ST8SIA1: variants seen among roughly 807,000 people sequenced by gnomAD.
ST8SIA1 encodes the protein ST8 alpha-N-acetyl-neuraminide alpha-2,8-sialyltransferase 1.
A neutral mutation model predicts 35.9 loss-of-function variants in ST8SIA1; 16 were observed. The ratio of observed to expected loss-of-function variants is 0.45; its 90% CI spans 0.30 to 0.68. The LOEUF (loss-of-function observed/expected upper bound fraction) is 0.68, where lower values mean the gene tolerates loss of function less well. ST8SIA1 is among the 30% of genes least tolerant of loss of function. The probability of loss-of-function intolerance (pLI) is 0.09; values close to 1 mark genes in which losing one functional copy is unlikely to be tolerated. For missense variants in ST8SIA1, 383 were observed against 453.6 expected, an observed-to-expected ratio of 0.84 and a Z score of 1.41; for synonymous variants, 170 against 169.6, an observed-to-expected ratio of 1.00 and a Z score of -0.02.
At chr12:22,301,793 T>C (rs1371475311) in intron 1 of ST8SIA1, among the ~76,000 whole-genome samples, 2 of 152,160 alleles carry the variant, frequency 1.3e-5, no homozygotes, top group African/African-American at 4.8e-5. Context: ...AGAATGTCAC[T>C]TTCTGGCAGG....
intron 1 of ST8SIA1, among the ~76,000 whole-genome samples, chr12:22,321,724 T>G (rs766228170): frequency 6.6e-6 from 1 of 152,204 alleles, no homozygotes; most frequent in South Asian, 2.1e-4. Flanking sequence ...AGATTTCACA[T>G]GCCATAGTTG....
chr12:22,212,054 G>A (rs1040744847), intron 4 of ST8SIA1, among the ~76,000 whole-genome samples: 14 of 152,052 alleles, frequency 9.2e-5, no homozygotes, highest in East Asian at 1.9e-4. Context: ...GGATTATGGC[G>A]TACTTTTATT....
chr12:22,300,109 T>C (rs1221488592), intron 1 of ST8SIA1, among the ~76,000 whole-genome samples: 2 of 152,152 alleles, frequency 1.3e-5, no homozygotes, highest in African/African-American at 2.4e-5. Flanking sequence ...ATTACATCTG[T>C]GTATCTTTAT....
chr12:22,282,042 A>C (rs1451715091), intron 2 of ST8SIA1, among the ~76,000 whole-genome samples: 1 of 152,176 alleles, frequency 6.6e-6, no homozygotes, highest in Non-Finnish European at 1.5e-5. Context: ...AATTTAAAAA[A>C]TGAAATTTCT....
chr12:22,261,533 T>G (rs1865791911), intron 2 of ST8SIA1, among the ~76,000 whole-genome samples: 2 of 152,176 alleles, frequency 1.3e-5, no homozygotes, highest in African/African-American at 4.8e-5. Context: ...ACACCTCATA[T>G]CTGGACTAAG....
chr12:22,260,222 T>C (rs2135799501), intron 2 of ST8SIA1, among the ~76,000 whole-genome samples: 1 of 151,770 alleles, frequency 6.6e-6, no homozygotes, highest in African/African-American at 2.4e-5. Context: ...AGTACAATGG[T>C]GCCATCACGG....
chr12:22,268,461 G>C (rs1465795337), intron 2 of ST8SIA1: 3 of 152,232 alleles, frequency 2.0e-5, no homozygotes, highest in Non-Finnish European at 2.9e-5. Flanking sequence ...TACTAATAAA[G>C]ACATACCTGA....
chr12:22,307,379 C>A (rs575675037), intron 1 of ST8SIA1, among the ~76,000 whole-genome samples: 1 of 152,244 alleles, frequency 6.6e-6, no homozygotes, highest in African/African-American at 2.4e-5. Context: ...ATGGTTTAAG[C>A]CTAGTTGCTA....
At chr12:22,225,682 TA>T (rs1287822756) in intron 4 of ST8SIA1, among the ~76,000 whole-genome samples, 1 of 152,222 alleles carries the variant, frequency 6.6e-6, no homozygotes, top group Non-Finnish European at 1.5e-5. Context: ...CTATAACTGT[TA>T]CCAATCAAAT....
chr12:22,235,204 A>G (rs1865463602), intron 4 of ST8SIA1, among the ~76,000 whole-genome samples: 1 of 152,248 alleles, frequency 6.6e-6, no homozygotes, highest in African/African-American at 2.4e-5. Context: ...AATTAAAGCA[A>G]CTTAGTAACA....
chr12:22,282,492 T>C (rs1866049436), intron 2 of ST8SIA1, among the ~76,000 whole-genome samples: 2 of 152,208 alleles, frequency 1.3e-5, no homozygotes. Flanking sequence ...CAGGAATCTG[T>C]CCAGCTTTCC....
chr12:22,204,819 A>T (rs982622241), intron 4 of ST8SIA1, among the ~76,000 whole-genome samples: 1 of 152,198 alleles, frequency 6.6e-6, no homozygotes, highest in African/African-American at 2.4e-5. Flanking sequence ...AATAATTGTT[A>T]TGGTATACTG....
intron 4 of ST8SIA1, among the ~76,000 whole-genome samples, chr12:22,225,002 T>C (rs1480101601): frequency 6.6e-6 from 1 of 152,154 alleles, no homozygotes; most frequent in African/African-American, 2.4e-5. Context: ...ATAGGAAGAA[T>C]GCTGTGTGAG....
intron 1 of ST8SIA1, among the ~76,000 whole-genome samples, chr12:22,309,235 T>C (rs577521790): frequency 5.3e-5 from 8 of 152,128 alleles, no homozygotes; most frequent in African/African-American, 1.9e-4. Flanking sequence ...CCTCGCTAAC[T>C]ACCATTAGCT....
rs1864973864 is a variant in ST8SIA1 at position 22,195,371 on chromosome 12, A to G, written c.*6181T>C. 1 of 151,868 alleles carries G rather than the reference A, an allele frequency of 6.6e-6. No homozygotes were observed. The highest frequency in any genetic ancestry group is 6.6e-5 in the Admixed American group (1 of 15,248). 9.4% of individuals were successfully genotyped at this position (151,868 alleles called of 1,614,324 possible). A position where few individuals can be genotyped will look rare whatever the true frequency, so the allele number is the denominator to read the frequency against. ...GTACCACTCTGTTCTCTCCGTCAGC[A>G]TCTCATGATCTGTCTGTCACACTGC... On this transcript the variant is annotated 3_prime_UTR_variant, in exon 5 of 5. Transcript: ENST00000396037.
chr12:22,205,973 CT>C (rs1409299742), intron 4 of ST8SIA1, among the ~76,000 whole-genome samples: 1 of 151,884 alleles, frequency 6.6e-6, no homozygotes, highest in East Asian at 1.9e-4. Context: ...ATTGTAGAGT[CT>C]GAATATATGG....
chr12:22,305,324 G>A (rs1866370818), intron 1 of ST8SIA1, among the ~76,000 whole-genome samples: 1 of 151,238 alleles, frequency 6.6e-6, no homozygotes, highest in Non-Finnish European at 1.5e-5. Context: ...AAATAAGCTA[G>A]CTTTAAAATT....
At chr12:22,221,047 T>A (rs538789141) in intron 4 of ST8SIA1, among the ~76,000 whole-genome samples, 1 of 152,300 alleles carries the variant, frequency 6.6e-6, no homozygotes, top group East Asian at 1.9e-4. Flanking sequence ...GGAGGTAGCA[T>A]CTCAAGTCCA....
intron 1 of ST8SIA1, among the ~76,000 whole-genome samples, chr12:22,319,826 T>A: frequency 6.6e-6 from 1 of 152,196 alleles, no homozygotes. Context: ...ATTTGGAGTC[T>A]GCTTAGCTAG....
Sources: gnomAD v4.1 joint callset for allele counts (sites outside exome capture counted in the v4.1 genomes callset) on GRCh38, gnomAD v4.1.1 for gene constraint, MANE v1.5 for transcripts, NCBI Gene and HGNC (gene_info 2026-07-23, HGNC 2026-07-21) for gene names.